Variants in HS6ST2 observed in about 807,000 individuals in gnomAD.
HS6ST2 encodes the protein heparan-sulfate 6-O-sulfotransferase 2.
Under a neutral mutation model 33.0 loss-of-function variants are expected in HS6ST2, and 17 were observed. The observed-to-expected ratio is 0.52, with a 90% confidence interval of 0.35 to 0.77. HS6ST2 has a LOEUF of 0.77. Ranked by LOEUF, HS6ST2 falls within the 30% of genes least tolerant of loss-of-function variation. HS6ST2 has a pLI of 0.01. For synonymous variants in HS6ST2, 248 were observed against 237.1 expected (o/e 1.05, Z -0.42); for missense variants, 519 against 551.7 (o/e 0.94, Z 0.59).
At chrX:132,637,190 T>C (rs2063555381) in intron 4 of HS6ST2, among the ~76,000 whole-genome samples, 1 of 112,354 alleles carries the variant, frequency 8.9e-6, no homozygotes, top group African/African-American at 3.2e-5. Context: ...CACTCTCAGG[T>C]CCACTCACTG....
At chrX:132,668,410 G>C (rs1391575118) in intron 4 of HS6ST2, 2 of 110,805 alleles carry the variant, frequency 1.8e-5, no homozygotes, top group Non-Finnish European at 3.8e-5. Context: ...TCTAATTAGA[G>C]GTATGTCATC....
In HS6ST2 at chrX:132,898,113, C is replaced by T. The variant is rs138726943; in HGVS notation, c.947+58695G>A. The stretch of plus-strand genomic sequence containing the variant: ...CTCTGCATGCAACGGATCTAGGTTG[C>T]GCTCCTCATGAGAATCTAATGCTTG... On this transcript the variant is annotated intron_variant, in intron 2 of 4. Transcript: ENST00000370833. Among the ~76,000 whole-genome samples the T allele has an allele frequency of 4.7e-4, 51 of 109,533 alleles. No individual in the cohort carries two copies. In the East Asian group the frequency reaches 9.3e-3, roughly 20 times the overall value.
chrX:132,895,659 T>A (rs1200156330), intron 2 of HS6ST2, among the ~76,000 whole-genome samples: 1 of 111,679 alleles, frequency 9.0e-6, no homozygotes, highest in Admixed American at 9.6e-5. Flanking sequence ...TACTAGGTTA[T>A]GATAATGTGA....
chrX:132,820,788 C>T (rs976964843), intron 2 of HS6ST2, among the ~76,000 whole-genome samples: 3 of 110,619 alleles, frequency 2.7e-5, no homozygotes, highest in Non-Finnish European at 5.7e-5. Flanking sequence ...CTCTTCCATT[C>T]AATCAGAATT....
intron 2 of HS6ST2, among the ~76,000 whole-genome samples, chrX:132,837,332 CGTGTGTGTGTGT>C (rs10592129): frequency 9.7e-6 from 1 of 103,330 alleles, no homozygotes; most frequent in South Asian, 4.6e-4. Flanking sequence ...ACAGTATAGC[CGTGTGTGTGTGT>C]GTGTGTGTGT....
chrX:132,947,128 G>A (rs1222307569), intron 2 of HS6ST2, among the ~76,000 whole-genome samples: 2 of 110,612 alleles, frequency 1.8e-5, no homozygotes, highest in African/African-American at 6.6e-5. Context: ...GTAATTTTAG[G>A]GCTCAGTATA....
chrX:132,948,849 A>G (rs1217434824), intron 2 of HS6ST2, among the ~76,000 whole-genome samples: 1 of 112,034 alleles, frequency 8.9e-6, no homozygotes, highest in Non-Finnish European at 1.9e-5. Flanking sequence ...ACCTCATTTC[A>G]TGTGTCACAG....
intron 2 of HS6ST2, among the ~76,000 whole-genome samples, chrX:132,884,928 G>A (rs1281972463): frequency 9.0e-6 from 1 of 111,655 alleles, no homozygotes; most frequent in African/African-American, 3.3e-5. Flanking sequence ...GGCGTAGAAG[G>A]TAATTCTTCA....
chrX:132,926,646 A>G (rs1364739542), intron 2 of HS6ST2, among the ~76,000 whole-genome samples: 1 of 112,494 alleles, frequency 8.9e-6, no homozygotes, highest in Non-Finnish European at 1.9e-5. Flanking sequence ...AGTCTGGCTG[A>G]GCGCAGTAGC....
chrX:132,746,046 T>C (rs2064637485), intron 2 of HS6ST2, among the ~76,000 whole-genome samples: 1 of 111,949 alleles, frequency 8.9e-6, no homozygotes, highest in South Asian at 3.7e-4. Context: ...CTCACTTTCC[T>C]GGAGCAAATG....
chrX:132,822,233 A>G (rs2065467207), intron 2 of HS6ST2, among the ~76,000 whole-genome samples: 1 of 110,433 alleles, frequency 9.1e-6, no homozygotes. Flanking sequence ...TGTCATAAAA[A>G]CTCAGAAGAG....
In HS6ST2 at chrX:132,897,998, C is replaced by T. The variant is rs192443566; in HGVS notation, c.947+58810G>A. 4.5e-3 allele frequency among the ~76,000 whole-genome samples: 504 copies of T among 111,244 alleles called. 1 individual carries two copies. The highest frequency in any genetic ancestry group is 7.5e-3 in the Non-Finnish European group (400 of 52,981). ...AGGCTGCACAGCAGGTGGTGAGCAG[C>T]GGGCCAGCAAGCATTACTGCCTGAG... On this transcript the variant is annotated intron_variant, in intron 2 of 4. Transcript: ENST00000370833.
Position 132,793,352 on chromosome X carries a change from G to A in HS6ST2, c.948-84858C>T, listed in dbSNP as rs140204551. On this transcript the variant is annotated intron_variant, in intron 2 of 4. Coordinates refer to ENST00000370833, the MANE Select transcript of HS6ST2 (RefSeq NM_001394073.1). ...CTGGGATTACAGCATGAGCCACTGC[G>A]CCCAGCCCAAATCAACTCTTTTTAC... Among the ~76,000 whole-genome samples, 654 of 110,360 alleles carry A rather than the reference G, an allele frequency of 5.9e-3. 4 individuals are homozygous for A. Among genetic ancestry groups the A allele is most frequent in the African/African-American group, 0.02 (615 of 30,340 alleles).
chrX:132,837,938 A>G (rs1334835464), intron 2 of HS6ST2, among the ~76,000 whole-genome samples: 1 of 112,037 alleles, frequency 8.9e-6, no homozygotes, highest in African/African-American at 3.2e-5. Flanking sequence ...GCCATAATAA[A>G]TACATATTTT....
At chrX:132,945,737 C>T (rs1201274215) in intron 2 of HS6ST2, among the ~76,000 whole-genome samples, 1 of 107,050 alleles carries the variant, frequency 9.3e-6, no homozygotes, top group Admixed American at 1.0e-4. Context: ...CCATCATTCT[C>T]AGCAAAGTAT....
At chrX:132,795,918 A>G (rs1199662793) in intron 2 of HS6ST2, among the ~76,000 whole-genome samples, 2 of 111,625 alleles carry the variant, frequency 1.8e-5, no homozygotes, top group East Asian at 2.8e-4. Flanking sequence ...CTCAGACAGA[A>G]CTTTAATCAA....
chrX:132,933,782 C>T (rs780193052), intron 2 of HS6ST2, among the ~76,000 whole-genome samples: 12 of 111,801 alleles, frequency 1.1e-4, no homozygotes, highest in Non-Finnish European at 2.1e-4. Flanking sequence ...TCATCAGACA[C>T]AATAGAGGAC....
intron 2 of HS6ST2, among the ~76,000 whole-genome samples, chrX:132,730,596 A>G (rs2064447832): frequency 8.9e-6 from 1 of 112,288 alleles, no homozygotes; most frequent in South Asian, 3.8e-4. Context: ...CCACGTGGGC[A>G]ACAACTGGGA....
intron 2 of HS6ST2, among the ~76,000 whole-genome samples, chrX:132,722,591 T>C (rs986574488): frequency 3.6e-5 from 4 of 112,250 alleles, no homozygotes; most frequent in African/African-American, 6.5e-5. Context: ...AACAACTCTA[T>C]GGAGAAATGT....
Sources: gnomAD v4.1 joint callset for allele counts (sites outside exome capture counted in the v4.1 genomes callset) on GRCh38, gnomAD v4.1.1 for gene constraint, MANE v1.5 for transcripts, NCBI Gene and HGNC (gene_info 2026-07-23, HGNC 2026-07-21) for gene names.